Variants in CLYBL observed in about 807,000 individuals in gnomAD.
CLYBL encodes the protein citramalyl-CoA lyase, mitochondrial.
Under a neutral mutation model 38.9 loss-of-function variants are expected in CLYBL, and 31 were observed. That is an observed-to-expected ratio of 0.80 (90% confidence interval 0.60 to 1.08). The LOEUF (loss-of-function observed/expected upper bound fraction) is 1.08, where lower values mean the gene tolerates loss of function less well. Among genes scored for constraint, CLYBL ranks in the 50% least tolerant of loss-of-function variants. The pLI, the probability that CLYBL is intolerant of heterozygous loss-of-function variation, is 0.00. For synonymous variants in CLYBL, 171 were observed against 158.6 expected (o/e 1.08, Z -0.59); for missense variants, 434 against 411.6 (o/e 1.05, Z -0.47).
chr13:99,859,128 G>C (rs2051535876), intron 3 of CLYBL, 79 bp downstream of exon 3: 1 of 1,202,970 alleles, frequency 8.3e-7, no homozygotes, highest in Non-Finnish European at 1.2e-6. Context: ...GGGTGCCACA[G>C]GTTTGGAAAA....
intron 2 of CLYBL, among the ~76,000 whole-genome samples, chr13:99,791,561 C>G (rs2049918616): frequency 6.6e-6 from 1 of 152,126 alleles, no homozygotes; most frequent in Admixed American, 6.6e-5. Context: ...ACAATGTGAC[C>G]TTGGGGAAAT....
chr13:99,811,708 G>A (rs1405600349), intron 2 of CLYBL, among the ~76,000 whole-genome samples: 1 of 152,062 alleles, frequency 6.6e-6, no homozygotes. Flanking sequence ...AAAGCAGCCC[G>A]CCCCTCTGAT....
At chr13:99,737,599 G>T (rs1487240509) in intron 1 of CLYBL, among the ~76,000 whole-genome samples, 1 of 152,186 alleles carries the variant, frequency 6.6e-6, no homozygotes, top group Non-Finnish European at 1.5e-5. Context: ...ACTCATGACT[G>T]GTTGTTTCTC....
chr13:99,794,756 TA>T (rs544802658), intron 2 of CLYBL, among the ~76,000 whole-genome samples: 538 of 151,998 alleles, frequency 3.5e-3, no homozygotes, highest in Non-Finnish European at 5.6e-3. Context: ...CACACCTGGC[TA>T]ATTTTTGTAT....
At chr13:99,856,700 A>G (rs2051467020) in intron 2 of CLYBL, among the ~76,000 whole-genome samples, 1 of 151,998 alleles carries the variant, frequency 6.6e-6, no homozygotes, top group African/African-American at 2.4e-5. Context: ...GTGCAGAGGT[A>G]CAGTCTCGGC....
rs71715024 is a variant in CLYBL at position 99,819,416 on chromosome 13, T to TTATATATATATATA, written c.250-39406_250-39393dup. ...ACTTGTATTATCACTGGGAAAAAAT[T>TTATATATATATATA]TATATATATATATATATATATATAT... On this transcript the variant is annotated intron_variant, in intron 2 of 8. Transcript: ENST00000339105. Among the ~76,000 whole-genome samples the TTATATATATATATA allele has an allele frequency of 1.6e-3, 29 of 18,360 alleles. 1 individual carries two copies. The highest frequency in any genetic ancestry group is 2.1e-3 in the Non-Finnish European group (24 of 11,434). The allele number at this position is 18,360 out of a possible 152,430, so 12.0% of individuals were successfully genotyped here. A position where few individuals can be genotyped will look rare whatever the true frequency, so the allele number is the denominator to read the frequency against.
intron 1 of CLYBL, among the ~76,000 whole-genome samples, chr13:99,620,120 C>T (rs1410762571): frequency 2.6e-5 from 4 of 152,180 alleles, no homozygotes; most frequent in Non-Finnish European, 2.9e-5. Flanking sequence ...ATGATGGACA[C>T]AGCACAGCGC....
intron 6 of CLYBL, among the ~76,000 whole-genome samples, chr13:99,870,009 G>T (rs1478641348): frequency 6.6e-6 from 1 of 151,720 alleles, no homozygotes. Flanking sequence ...TTTAATGACT[G>T]CATTATTTCA....
chr13:99,693,431 A>G (rs2139436457), intron 1 of CLYBL, among the ~76,000 whole-genome samples: 1 of 152,044 alleles, frequency 6.6e-6, no homozygotes, highest in East Asian at 1.9e-4. Context: ...ACAGCTTATC[A>G]GGAATGGAGG....
intron 1 of CLYBL, among the ~76,000 whole-genome samples, chr13:99,625,584 C>G (rs2046858448): frequency 6.6e-6 from 1 of 152,132 alleles, no homozygotes. Context: ...TAAAAAAATA[C>G]TTTTAAATCT....
chr13:99,757,196 G>C (rs1033360606), intron 1 of CLYBL, among the ~76,000 whole-genome samples: 1 of 152,022 alleles, frequency 6.6e-6, no homozygotes, highest in Non-Finnish European at 1.5e-5. Flanking sequence ...CACCATACCC[G>C]GCCAAGTGTT....
intron 1 of CLYBL, among the ~76,000 whole-genome samples, chr13:99,610,642 C>T (rs1030281044): frequency 1.3e-5 from 2 of 152,170 alleles, no homozygotes; most frequent in African/African-American, 2.4e-5. Flanking sequence ...ATGTCTTCAA[C>T]ATTCAGCCAC....
At chr13:99,808,881 T>C (rs944727201) in intron 2 of CLYBL, among the ~76,000 whole-genome samples, 2 of 152,238 alleles carry the variant, frequency 1.3e-5, no homozygotes, top group African/African-American at 4.8e-5. Context: ...ATCCTGGTCC[T>C]TCCTATTCTA....
intron 2 of CLYBL, among the ~76,000 whole-genome samples, chr13:99,808,005 A>G (rs2050265110): frequency 6.6e-6 from 1 of 152,200 alleles, no homozygotes; most frequent in African/African-American, 2.4e-5. Context: ...TTCAAAGCAT[A>G]TGAACCTGAA....
At chr13:99,656,448 G>A (rs893648005) in intron 1 of CLYBL, among the ~76,000 whole-genome samples, 10 of 152,054 alleles carry the variant, frequency 6.6e-5, no homozygotes, top group African/African-American at 1.9e-4. Context: ...CTACAGATAG[G>A]TATATATATA....
At chr13:99,855,091 C>T (rs150261611) in intron 2 of CLYBL, among the ~76,000 whole-genome samples, 179 of 152,308 alleles carry the variant, frequency 1.2e-3, no homozygotes, top group Non-Finnish European at 2.0e-3. Flanking sequence ...TAATTAGTCT[C>T]TTCGAAGTTC....
At chr13:99,695,693 T>C (rs917988152) in intron 1 of CLYBL, among the ~76,000 whole-genome samples, 13 of 152,132 alleles carry the variant, frequency 8.5e-5, no homozygotes, top group African/African-American at 2.9e-4. Context: ...CTAATTTTTG[T>C]ATTTTTAGTA....
At chr13:99,870,286 C>G (rs776078326) in intron 6 of CLYBL, among the ~76,000 whole-genome samples, 17 of 151,946 alleles carry the variant, frequency 1.1e-4, no homozygotes, top group Non-Finnish European at 2.2e-4. Context: ...TCAAATCTGC[C>G]TTCTATTTTA....
chr13:99,767,966 C>G (rs2049300740), intron 1 of CLYBL, among the ~76,000 whole-genome samples: 1 of 151,934 alleles, frequency 6.6e-6, no homozygotes, highest in South Asian at 2.1e-4. Flanking sequence ...ATTTTTCTTC[C>G]TTTGACTGGG....
Sources: allele counts gnomAD v4.1 joint callset (sites outside exome capture counted in the v4.1 genomes callset), GRCh38; gene constraint gnomAD v4.1.1; transcripts MANE v1.5; gene names NCBI Gene and HGNC (gene_info 2026-07-23, HGNC 2026-07-21).